The following SDCCAG8 variants were observed in gnomAD, a reference collection of about 807,000 sequenced individuals.
SDCCAG8 encodes SHH signaling and ciliogenesis regulator SDCCAG8.
SDCCAG8 carries 74 observed loss-of-function variants against 101.8 expected under a neutral mutation model. The ratio of observed to expected loss-of-function variants is 0.73; its 90% CI spans 0.60 to 0.88. The LOEUF (loss-of-function observed/expected upper bound fraction) is 0.88, where lower values mean the gene tolerates loss of function less well. SDCCAG8 is among the 40% of genes least tolerant of loss of function. The pLI is 0.00. For synonymous variants in SDCCAG8, 281 were observed against 292.9 expected (o/e 0.96, Z 0.41); for missense variants, 787 against 822.6 (o/e 0.96, Z 0.53).
At chr1:243,490,503 C>G (rs1275903202) in intron 17 of SDCCAG8, among the ~76,000 whole-genome samples, 1 of 152,244 alleles carries the variant, frequency 6.6e-6, no homozygotes, top group Non-Finnish European at 1.5e-5. Flanking sequence ...CTGGAAAGAA[C>G]AGAGAATTAT....
chr1:243,468,842 C>A (rs989608070), intron 16 of SDCCAG8, among the ~76,000 whole-genome samples: 3 of 152,192 alleles, frequency 2.0e-5, no homozygotes, highest in Non-Finnish European at 4.4e-5. Context: ...ATACTTCCTA[C>A]ATAACAGAGC....
intron 16 of SDCCAG8, among the ~76,000 whole-genome samples, chr1:243,479,673 T>C (rs572863761): frequency 6.6e-6 from 1 of 152,348 alleles, no homozygotes; most frequent in South Asian, 2.1e-4. Flanking sequence ...GTGAGGAAAC[T>C]GAGATTCAAA....
At position 243,286,265 on chromosome 1, in the gene SDCCAG8, A is replaced by G; in HGVS notation, c.421-7A>G. The G allele has an allele frequency of 6.2e-7, 1 of 1,613,786 alleles. No individual in the cohort carries two copies. The highest frequency in any genetic ancestry group is 8.5e-7 in the Non-Finnish European group (1 of 1,179,668). On this transcript the variant is annotated splice_polypyrimidine_tract_variant and splice_region_variant and intron_variant, in intron 4 of 17. Coordinates refer to ENST00000366541, the MANE Select transcript of SDCCAG8 (RefSeq NM_006642.5). Reference sequence around the variant, plus strand: ...ATGCTTAATGTGTTTGGTTTTGTTTATTATAGGAGGAACTCTCTGGAATGA... The same window carrying G: ...ATGCTTAATGTGTTTGGTTTTGTTTGTTATAGGAGGAACTCTCTGGAATGA...
chr1:243,481,341 A>T (rs1663713839), intron 16 of SDCCAG8, among the ~76,000 whole-genome samples: 2 of 152,148 alleles, frequency 1.3e-5, no homozygotes, highest in Non-Finnish European at 2.9e-5. Flanking sequence ...TTGGTGGCTT[A>T]GGTAATCCTG....
At chr1:243,268,006 CTTCTT>C (rs1350801610) in intron 1 of SDCCAG8, 3 of 779,282 alleles carry the variant, frequency 3.8e-6, no homozygotes, top group Non-Finnish European at 7.2e-6. Flanking sequence ...CGCTGGGATC[CTTCTT>C]TTCTTTCTCT....
At chr1:243,353,912 A>G (rs1027654697) in intron 12 of SDCCAG8, among the ~76,000 whole-genome samples, 2 of 152,212 alleles carry the variant, frequency 1.3e-5, no homozygotes, top group Non-Finnish European at 2.9e-5. Context: ...CATAAATAAA[A>G]TGTCATTTTA....
At chr1:243,497,629 C>T (rs1033655119) in intron 17 of SDCCAG8, among the ~76,000 whole-genome samples, 1 of 152,176 alleles carries the variant, frequency 6.6e-6, no homozygotes, top group African/African-American at 2.4e-5. Flanking sequence ...GTAGACTCAT[C>T]ATGAGAAATG....
Position 243,292,588 on chromosome 1 carries a change from A to G in SDCCAG8, c.547-503A>G, listed in dbSNP as rs182128116. 5.9e-5 allele frequency among the ~76,000 whole-genome samples: 9 copies of G among 152,282 alleles called. No individual in the cohort carries two copies. In the East Asian group the frequency reaches 1.7e-3, roughly 29 times the overall value. On this transcript the variant is annotated intron_variant, in intron 5 of 17. Coordinates refer to ENST00000366541, the MANE Select transcript of SDCCAG8 (RefSeq NM_006642.5). ...TACCTCTGTGACCCTCAGCTACTCT[A>G]TGTGACTCAGTTTCCTCCTGTATAA...
intron 16 of SDCCAG8, among the ~76,000 whole-genome samples, chr1:243,461,361 A>T (rs940425446): frequency 5.3e-5 from 8 of 152,212 alleles, no homozygotes; most frequent in African/African-American, 1.7e-4. Flanking sequence ...GGTCACTCTG[A>T]CTATTCCAGT....
At chr1:243,432,598 C>A (rs990700875) in intron 16 of SDCCAG8, among the ~76,000 whole-genome samples, 1 of 152,060 alleles carries the variant, frequency 6.6e-6, no homozygotes. Context: ...ATTTTATATT[C>A]AAAAAGCAAA....
At chr1:243,363,776 G>T (rs2076849430) in intron 12 of SDCCAG8, among the ~76,000 whole-genome samples, 1 of 152,140 alleles carries the variant, frequency 6.6e-6, no homozygotes, top group African/African-American at 2.4e-5. Context: ...ATGTGAAAGT[G>T]TTTTCTAAAC....
At chr1:243,459,484 G>A (rs76488531) in intron 16 of SDCCAG8, among the ~76,000 whole-genome samples, 9 of 152,014 alleles carry the variant, frequency 5.9e-5, no homozygotes, top group South Asian at 2.1e-4. Flanking sequence ...ACTGAAGAAC[G>A]GAGGTGTATT....
chr1:243,473,770 T>C lies in SDCCAG8; in HGVS notation c.1986-15244T>C, dbSNP rs529697153. On this transcript the variant is annotated intron_variant, in intron 16 of 17. Coordinates refer to ENST00000366541, the MANE Select transcript of SDCCAG8 (RefSeq NM_006642.5). The stretch of plus-strand genomic sequence containing the variant: ...CAGAAGTGAAACTAAACGGTAACTT[T>C]GTAAAGAGAGGAAGGGAATTCAAGT... 8.5e-5 allele frequency among the ~76,000 whole-genome samples: 13 copies of C among 152,176 alleles called. No individual in the cohort carries two copies. The South Asian group carries it at 2.7e-3, about 32-fold the overall frequency.
In SDCCAG8 at chr1:243,328,833, T is replaced by C. The variant is rs138863560; in HGVS notation, c.1069-1707T>C. 6.6e-3 allele frequency among the ~76,000 whole-genome samples: 1,001 copies of C among 152,342 alleles called. 8 individuals carry two copies. Among genetic ancestry groups the C allele is most frequent in the African/African-American group, 0.023 (955 of 41,574 alleles). On this transcript the variant is annotated intron_variant, in intron 9 of 17. Transcript: ENST00000366541. The stretch of plus-strand genomic sequence containing the variant: ...TCTTTAGTTGACTGAGTTCTTTGAA[T>C]TGATTCTGTAGGTGCCTTTCATGGT...
chr1:243,376,810 A>T (rs1321401787), intron 12 of SDCCAG8, among the ~76,000 whole-genome samples: 1 of 152,040 alleles, frequency 6.6e-6, no homozygotes, highest in Non-Finnish European at 1.5e-5. Flanking sequence ...GCCACCTTAA[A>T]CTGATTGTAC....
chr1:243,344,960 C>A (rs533569078), intron 12 of SDCCAG8, among the ~76,000 whole-genome samples: 26 of 152,260 alleles, frequency 1.7e-4, no homozygotes, highest in African/African-American at 5.8e-4. Flanking sequence ...TTTAGAGAGG[C>A]AGTTCTAATA....
intron 16 of SDCCAG8, among the ~76,000 whole-genome samples, chr1:243,483,613 C>A: frequency 6.6e-6 from 1 of 150,928 alleles, no homozygotes; most frequent in Admixed American, 6.6e-5. Flanking sequence ...CCAGAAGAGG[C>A]TTTCTCTTCC....
chr1:243,423,767 T>C (rs924995163), intron 15 of SDCCAG8, among the ~76,000 whole-genome samples: 5 of 152,060 alleles, frequency 3.3e-5, no homozygotes, highest in Admixed American at 3.3e-4. Context: ...TGAGAGGCAA[T>C]ATTGCACAGG....
intron 16 of SDCCAG8, among the ~76,000 whole-genome samples, chr1:243,476,883 T>C (rs944841820): frequency 2.0e-5 from 3 of 152,162 alleles, no homozygotes; most frequent in Non-Finnish European, 4.4e-5. Flanking sequence ...AAATTGACTG[T>C]AGTTGGTAAT....
Sources: allele counts gnomAD v4.1 joint callset (sites outside exome capture counted in the v4.1 genomes callset), GRCh38; gene constraint gnomAD v4.1.1; transcripts MANE v1.5; gene names NCBI Gene and HGNC (gene_info 2026-07-23, HGNC 2026-07-21).